The following ADGRB3 variants were observed in gnomAD, a reference collection of about 807,000 sequenced individuals.
ADGRB3 encodes brain-specific angiogenesis inhibitor 3.
Under a neutral mutation model 193.4 loss-of-function variants are expected in ADGRB3, and 37 were observed. The observed-to-expected ratio is 0.19, with a 90% CI of 0.15 to 0.25. The LOEUF is 0.25. ADGRB3 is among the 10% of genes least tolerant of loss of function. ADGRB3 has a pLI of 1.00. For synonymous variants in ADGRB3, 690 were observed against 644.2 expected, an observed-to-expected ratio of 1.07 and a Z score of -1.08; for missense variants, 1,637 against 1,852.9, an observed-to-expected ratio of 0.88 and a Z score of 2.14.
rs533174759 is a variant in ADGRB3, at chr6:68,837,316, G to T, written c.758-93243G>T. 3.3e-5 allele frequency among the ~76,000 whole-genome samples: 5 copies of T among 152,186 alleles called. 1 individual carries two copies. In the South Asian group the frequency reaches 1.0e-3, roughly 32 times the overall value. ...GAATAAATAAAGATGCTAACAATTT[G>T]TACTATCAATATAATGTAAAAAGTG... On this transcript the variant is annotated intron_variant, in intron 3 of 31. Transcript: ENST00000370598.
At chr6:69,096,443 A>G (rs1222401609) in intron 17 of ADGRB3, among the ~76,000 whole-genome samples, 3 of 149,068 alleles carry the variant, frequency 2.0e-5, no homozygotes, top group Non-Finnish European at 4.4e-5. Flanking sequence ...ATTTTTCCTG[A>G]GATCAAGAAA....
rs62416451 is a variant in ADGRB3 at position 68,936,734 on chromosome 6, G to A, written c.1030+54G>A. 7,750 of 1,553,136 alleles carry A rather than the reference G, an allele frequency of 5.0e-3. 29 individuals are homozygous for A. The highest frequency in any genetic ancestry group is 6.2e-3 in the Non-Finnish European group (7,069 of 1,140,838). On this transcript the variant is annotated intron_variant, in intron 5 of 31. Coordinates refer to ENST00000370598, the MANE Select transcript of ADGRB3 (RefSeq NM_001704.3). ...ATGTTATTGAATTGTGTCATGCTAC[G>A]CATTTGGAACGATTTGTTATTTTCA...
intron 3 of ADGRB3, among the ~76,000 whole-genome samples, chr6:68,701,911 CAT>C (rs1305528569): frequency 1.3e-5 from 2 of 152,216 alleles, no homozygotes; most frequent in African/African-American, 4.8e-5. Context: ...TGTTTATAAA[CAT>C]ATGAAGATTT....
rs954807325 is a variant in ADGRB3, at chr6:69,115,719, T to C, written c.2480+39681T>C. Among the ~76,000 whole-genome samples, 11 of 152,336 alleles carry C rather than the reference T, an allele frequency of 7.2e-5. No individual in the cohort carries two copies. The East Asian group carries it at 1.7e-3, about 24-fold the overall frequency. ...GAGATGTGCCACTTAAATTAACATG[T>C]TTCAAAGAATGCAGTTAGCTGATGG... is the stretch of plus-strand genomic sequence containing the variant. On this transcript the variant is annotated intron_variant, in intron 17 of 31. Transcript: ENST00000370598.
chr6:69,269,435 T>C (rs1767125465), intron 20 of ADGRB3, among the ~76,000 whole-genome samples: 1 of 152,204 alleles, frequency 6.6e-6, no homozygotes, highest in Admixed American at 6.5e-5. Flanking sequence ...TAAGCTTGTA[T>C]GTTTATTTTA....
chr6:68,895,780 GT>G (rs1032990184), intron 3 of ADGRB3, among the ~76,000 whole-genome samples: 1 of 150,594 alleles, frequency 6.6e-6, no homozygotes, highest in Admixed American at 6.6e-5. Context: ...TTCACATAGT[GT>G]TTTTTTTTCC....
In ADGRB3 at chr6:68,936,510, T is replaced by G; in HGVS notation, c.869-9T>G. 6.2e-7 allele frequency: 1 copy of G among 1,613,060 alleles called. No individual in the cohort carries two copies. The highest frequency in any genetic ancestry group is 8.5e-7 in the Non-Finnish European group (1 of 1,179,338). On this transcript the variant is annotated splice_polypyrimidine_tract_variant and intron_variant, in intron 4 of 31. Coordinates refer to ENST00000370598, the MANE Select transcript of ADGRB3 (RefSeq NM_001704.3). ...AGTATTTCATGTTTATTTGTTGTCT[T>G]GCACGCAGGTGAATCTGGTGTGGAA...
At position 69,388,938 on chromosome 6, in the gene ADGRB3, CACT is replaced by C; in HGVS notation, c.*48_*50del. The C allele has an allele frequency of 6.5e-7, 1 of 1,543,920 alleles. No individual in the cohort carries two copies. Among genetic ancestry groups the C allele is most frequent in the Non-Finnish European group, 8.8e-7 (1 of 1,139,282 alleles). ...TAGAGACAAAACTTTATTGCACTGACACTTAAGACTTGGGAAGCCTGACATTTC... is the reference window on the plus strand; with the variant it reads ...TAGAGACAAAACTTTATTGCACTGACTAAGACTTGGGAAGCCTGACATTTC... On this transcript the variant is annotated 3_prime_UTR_variant, in exon 32 of 32. Coordinates refer to ENST00000370598, the MANE Select transcript of ADGRB3 (RefSeq NM_001704.3).
intron 17 of ADGRB3, among the ~76,000 whole-genome samples, chr6:69,172,663 AAAAAAAAAAG>A (rs1173705911): frequency 1.7e-4 from 23 of 137,876 alleles, no homozygotes; most frequent in African/African-American, 4.3e-4. Context: ...AAAAAAAAAA[AAAAAAAAAAG>A]AGAAATAAAG....
chr6:69,036,528 C>A (rs1770876308), intron 13 of ADGRB3, among the ~76,000 whole-genome samples: 1 of 151,904 alleles, frequency 6.6e-6, no homozygotes, highest in South Asian at 2.1e-4. Context: ...AAATGCCTAT[C>A]CTTTTGGAAT....
intron 17 of ADGRB3, among the ~76,000 whole-genome samples, chr6:69,133,901 A>G (rs1442141061): frequency 6.6e-6 from 1 of 152,006 alleles, no homozygotes; most frequent in Non-Finnish European, 1.5e-5. Context: ...ACATCTTCAT[A>G]GTTTAGCTCC....
At chr6:69,239,753 A>G (rs1257816260) in intron 20 of ADGRB3, among the ~76,000 whole-genome samples, 1 of 152,036 alleles carries the variant, frequency 6.6e-6, no homozygotes, top group Non-Finnish European at 1.5e-5. Flanking sequence ...TGCTTCACCT[A>G]AAGGTATTTT....
At chr6:69,030,993 T>C (rs1338418668) in intron 13 of ADGRB3, among the ~76,000 whole-genome samples, 1 of 123,496 alleles carries the variant, frequency 8.1e-6, no homozygotes, top group African/African-American at 3.4e-5. Flanking sequence ...TTTCTTTTCT[T>C]TCTTTTCCTT....
At chr6:68,935,765 T>A (rs1285820250) in intron 4 of ADGRB3, among the ~76,000 whole-genome samples, 2 of 152,172 alleles carry the variant, frequency 1.3e-5, no homozygotes, top group Non-Finnish European at 2.9e-5. Context: ...ATTGAGATGC[T>A]AACTCCAAGA....
At chr6:69,170,564 A>G (rs1370506128) in intron 17 of ADGRB3, among the ~76,000 whole-genome samples, 7 of 152,208 alleles carry the variant, frequency 4.6e-5, no homozygotes, top group Non-Finnish European at 5.9e-5. Context: ...GAATACAAAT[A>G]TACAGAACCA....
At chr6:68,691,305 C>T (rs183172972) in intron 3 of ADGRB3, among the ~76,000 whole-genome samples, 12 of 152,094 alleles carry the variant, frequency 7.9e-5, no homozygotes, top group African/African-American at 2.4e-4. Flanking sequence ...TAGCTGCTGA[C>T]TTTGTAAGAG....
chr6:69,305,073 T>A (rs1768036760), intron 20 of ADGRB3, among the ~76,000 whole-genome samples: 1 of 151,488 alleles, frequency 6.6e-6, no homozygotes, highest in African/African-American at 2.4e-5. Flanking sequence ...CCCCTATATA[T>A]AGTAATAATA....
intron 3 of ADGRB3, among the ~76,000 whole-genome samples, chr6:68,764,281 G>T (rs13199686): frequency 0.1 from 15,314 of 151,996 alleles, 907 homozygotes; most frequent in Middle Eastern, 0.15. Flanking sequence ...TTAGAAAAAA[G>T]AAATAAAGAA....
intron 3 of ADGRB3, among the ~76,000 whole-genome samples, chr6:68,670,527 C>CT (rs1768926399): frequency 6.6e-6 from 1 of 151,808 alleles, no homozygotes; most frequent in Non-Finnish European, 1.5e-5. Context: ...AAAAGACTGT[C>CT]TTTTTTCTCC....
Sources: allele counts gnomAD v4.1 joint callset (sites outside exome capture counted in the v4.1 genomes callset), GRCh38; gene constraint gnomAD v4.1.1; transcripts MANE v1.5; gene names NCBI Gene and HGNC (gene_info 2026-07-23, HGNC 2026-07-21).